Variants in PCDH15 observed in about 807,000 individuals in gnomAD.
PCDH15 encodes the protein protocadherin related 15.
In PCDH15, 129 loss-of-function variants were observed where a neutral mutation model predicts 178.5. That is an observed-to-expected ratio of 0.72 (90% CI 0.63 to 0.84). The LOEUF is 0.84. Ranked by LOEUF, PCDH15 falls within the 40% of genes least tolerant of loss-of-function variation. The pLI, the probability that PCDH15 is intolerant of heterozygous loss-of-function variation, is 0.00. For missense variants in PCDH15, 2,230 were observed against 2,099.9 expected (o/e 1.06, Z -1.21); for synonymous variants, 800 against 732.0 (o/e 1.09, Z -1.50).
At chr10:54,380,701 G>A (rs1949098960) in intron 3 of PCDH15, among the ~76,000 whole-genome samples, 1 of 27,798 alleles carries the variant, frequency 3.6e-5, no homozygotes, top group African/African-American at 1.3e-4. Flanking sequence ...ATATATATAT[G>A]CTCCATATAT....
intron 3 of PCDH15, among the ~76,000 whole-genome samples, chr10:54,873,699 A>T (rs891577477): frequency 1.2e-4 from 18 of 145,556 alleles, no homozygotes; most frequent in African/African-American, 4.5e-4. Context: ...TGTATTTTAT[A>T]TATATATATA....
At chr10:54,003,807 A>ACT (rs375154788) in intron 20 of PCDH15, among the ~76,000 whole-genome samples, 42 of 151,344 alleles carry the variant, frequency 2.8e-4, no homozygotes, top group African/African-American at 9.9e-4. Context: ...AGACAATAAT[A>ACT]CTGATACCAA....
intron 2 of PCDH15, among the ~76,000 whole-genome samples, chr10:55,108,954 T>C (rs900279985): frequency 6.6e-6 from 1 of 152,162 alleles, no homozygotes; most frequent in African/African-American, 2.4e-5. Flanking sequence ...CACGTTCAAG[T>C]ACTTCATGGA....
intron 2 of PCDH15, among the ~76,000 whole-genome samples, chr10:55,522,501 G>A (rs899476811): frequency 6.6e-6 from 1 of 151,672 alleles, no homozygotes; most frequent in Non-Finnish European, 1.5e-5. Context: ...TTGCTCCAAT[G>A]TTGAGGGCGT....
intron 8 of PCDH15, among the ~76,000 whole-genome samples, chr10:54,242,673 G>C: frequency 6.6e-6 from 1 of 152,196 alleles, no homozygotes; most frequent in East Asian, 1.9e-4. Context: ...GGTTGAGATA[G>C]ACATAATAGA....
At chr10:54,249,483 T>C (rs1442163643) in intron 8 of PCDH15, among the ~76,000 whole-genome samples, 1 of 152,230 alleles carries the variant, frequency 6.6e-6, no homozygotes. Context: ...GTGTCTTGCC[T>C]GTTCATTTAC....
intron 16 of PCDH15, among the ~76,000 whole-genome samples, chr10:54,084,932 T>C (rs761167686): frequency 6.6e-5 from 10 of 152,160 alleles, no homozygotes; most frequent in Non-Finnish European, 1.2e-4. Context: ...GAGTATACTT[T>C]AAAATGTACA....
chr10:54,346,788 T>C (rs1216544103), intron 5 of PCDH15, among the ~76,000 whole-genome samples: 2 of 152,172 alleles, frequency 1.3e-5, no homozygotes, highest in Admixed American at 1.3e-4. Context: ...AGAAACTGCA[T>C]CTGTTGTTTC....
intron 2 of PCDH15, among the ~76,000 whole-genome samples, chr10:54,899,351 A>T (rs908602267): frequency 2.6e-5 from 4 of 152,060 alleles, no homozygotes; most frequent in African/African-American, 7.2e-5. Context: ...AAATGGTGCT[A>T]GCTTTCTTTT....
intron 2 of PCDH15, among the ~76,000 whole-genome samples, chr10:55,558,844 T>C (rs186297593): frequency 8.0e-4 from 122 of 152,268 alleles, no homozygotes; most frequent in Admixed American, 5.0e-3. Flanking sequence ...GTATTGCCTA[T>C]AATGTATTTG....
upstream of PCDH15, among the ~76,000 whole-genome samples, chr10:55,320,754 A>G (rs1169999171): frequency 1.3e-5 from 2 of 152,204 alleles, no homozygotes; most frequent in African/African-American, 2.4e-5. Context: ...AGGATATCAA[A>G]GATAAAAGAA....
rs5785033 is a variant in PCDH15, at chr10:54,030,371, C to CTT, written c.2221-7176_2221-7175dup. 3.3e-4 allele frequency among the ~76,000 whole-genome samples: 47 copies of CTT among 143,132 alleles called. No homozygotes were observed. In the South Asian group the frequency reaches 3.9e-3, roughly 12 times the overall value. 93.9% of individuals were successfully genotyped at this position (143,132 alleles called of 152,430 possible). On this transcript the variant is annotated intron_variant, in intron 18 of 37. Transcript: ENST00000644397. ...CTTCAAAAAGATGTACAATAGTTGT[C>CTT]TTTTTTTTTTTTTTTTTAAGGAGCT...
chr10:55,622,311 C>T (rs1208346160), intron 2 of PCDH15, among the ~76,000 whole-genome samples: 2 of 151,020 alleles, frequency 1.3e-5, no homozygotes, highest in East Asian at 3.9e-4. Flanking sequence ...GCCTGGCCCA[C>T]AGTTAAATAT....
intron 2 of PCDH15, among the ~76,000 whole-genome samples, chr10:55,148,905 A>G (rs1384039061): frequency 2.0e-5 from 3 of 150,196 alleles, no homozygotes; most frequent in East Asian, 3.9e-4. Context: ...TGAAACTCCA[A>G]TAAAGTTAAT....
At chr10:54,104,960 G>C (rs1309663213) in intron 15 of PCDH15, among the ~76,000 whole-genome samples, 3 of 150,908 alleles carry the variant, frequency 2.0e-5, no homozygotes, top group African/African-American at 4.9e-5. Flanking sequence ...ATTATGTATA[G>C]AGTCACTAAA....
At chr10:54,358,369 C>G (rs1945396050) in intron 5 of PCDH15, among the ~76,000 whole-genome samples, 1 of 151,970 alleles carries the variant, frequency 6.6e-6, no homozygotes, top group Admixed American at 6.6e-5. Context: ...ACAGACACTT[C>G]TCAAAAGAAG....
chr10:54,286,754 G>C (rs2059053218), intron 8 of PCDH15, among the ~76,000 whole-genome samples: 1 of 152,132 alleles, frequency 6.6e-6, no homozygotes, highest in African/African-American at 2.4e-5. Context: ...AGCCTCCAGA[G>C]TAGCTTGGAT....
chr10:54,238,054 G>A (rs1014167871), intron 8 of PCDH15, among the ~76,000 whole-genome samples: 1 of 151,948 alleles, frequency 6.6e-6, no homozygotes, highest in Admixed American at 6.6e-5. Flanking sequence ...ATATGTAAGT[G>A]GTAATTCTAA....
intron 1 of PCDH15, among the ~76,000 whole-genome samples, chr10:54,780,020 T>C (rs1485068347): frequency 6.6e-6 from 1 of 152,156 alleles, no homozygotes; most frequent in Non-Finnish European, 1.5e-5. Flanking sequence ...ACAGCAGTGG[T>C]AAATTCTACA....
Sources: allele counts gnomAD v4.1 joint callset (sites outside exome capture counted in the v4.1 genomes callset), GRCh38; gene constraint gnomAD v4.1.1; transcripts MANE v1.5; gene names NCBI Gene and HGNC (gene_info 2026-07-23, HGNC 2026-07-21).